Variants in PARP9 observed in about 807,000 individuals in gnomAD.
PARP9 encodes the protein protein mono-ADP-ribosyltransferase PARP9.
A neutral mutation model predicts 68.8 loss-of-function variants in PARP9; 48 were observed. The ratio of observed to expected loss-of-function variants is 0.70; its 90% confidence interval spans 0.55 to 0.89. The LOEUF (loss-of-function observed/expected upper bound fraction) is 0.89. Ranked by LOEUF, PARP9 falls within the 40% of genes least tolerant of loss-of-function variation. PARP9 has a pLI of 0.00. For missense variants in PARP9, 806 were observed against 969.3 expected (o/e 0.83, Z 2.24); for synonymous variants, 309 against 333.8 (o/e 0.93, Z 0.81).
chr3:122,535,675 T>A, intron 10 of PARP9: 1 of 987,912 alleles, frequency 1.0e-6, no homozygotes, highest in Non-Finnish European at 1.2e-6. Flanking sequence ...TAAGATGTTA[T>A]GCACTTCACC....
intron 6 of PARP9, among the ~76,000 whole-genome samples, chr3:122,546,968 C>CTA (rs57337681): frequency 0.024 from 1,645 of 69,638 alleles, 19 homozygotes; most frequent in Admixed American, 0.032. Flanking sequence ...ATACATGGCA[C>CTA]TATATATATA....
intron 6 of PARP9, among the ~76,000 whole-genome samples, chr3:122,547,005 TATATATATAC>T (rs1446569933): frequency 1.8e-3 from 199 of 109,266 alleles, no homozygotes; most frequent in East Asian, 2.9e-3. Flanking sequence ...TATATATATA[TATATATATAC>T]ACACACACAC....
chr3:122,564,394 C>A, upstream of PARP9: 2 of 1,584,546 alleles, frequency 1.3e-6, no homozygotes, highest in East Asian at 2.3e-5. Flanking sequence ...AGCTGCCTCC[C>A]GGAGCCCCCG....
At position 122,556,003 on chromosome 3, in the gene PARP9, A is replaced by G. The variant is rs2079603361; in HGVS notation, c.168T>C (p.Cys56=). 2.5e-6 allele frequency: 4 copies of G among 1,614,110 alleles called. No homozygotes were observed. Among genetic ancestry groups the G allele is most frequent in the Non-Finnish European group, 3.4e-6 (4 of 1,180,006 alleles). The part of the protein sequence containing the change: ...LCEVLQNKFG[C]ISTLVSPVQE... ...GAACTGGAGAGACCAGGGTAGAGAT[A>G]CAGCCAAACTTATTCTGGAGGACTT... The change falls in exon 4 of 11, where the codon TGT becomes TGC. Residue 56 remains cysteine (C), a synonymous_variant. Transcript: ENST00000682323.
rs1188530613 is a variant in PARP9 at position 122,540,549 on chromosome 3, A to G, written c.1688T>C (p.Met563Thr). The G allele has an allele frequency of 4.3e-6, 7 of 1,614,076 alleles. No homozygotes were observed. In the African/African-American group the frequency reaches 8.0e-5, roughly 18 times the overall value. ...TTTACAAAGCATATCTTCAATGTTCATAACCACCTCAATGAGGTCAGCCCG... is the reference window on the plus strand; with the variant it reads ...TTTACAAAGCATATCTTCAATGTTCGTAACCACCTCAATGAGGTCAGCCCG... ...GARADLIEVV[M>T]NIEDMLCKVQ... The change falls in exon 8 of 11, where the codon ATG (methionine) becomes ACG (threonine). Residue 563 changes from methionine (M) to threonine (T), a missense_variant. By Grantham distance (81) the Met-to-Thr change is moderately conservative. Coordinates refer to ENST00000682323, the MANE Select transcript of PARP9 (RefSeq NM_001146105.2).
chr3:122,536,053 A>G, intron 10 of PARP9, 115 bp downstream of exon 10: 1 of 1,581,530 alleles, frequency 6.3e-7, no homozygotes, highest in South Asian at 1.1e-5. Context: ...CCTCTAAATC[A>G]CAGTCACAAA....
chr3:122,540,351 A>G, intron 8 of PARP9, 121 bp downstream of exon 8: 1 of 1,264,984 alleles, frequency 7.9e-7, no homozygotes, highest in Non-Finnish European at 1.1e-6. Flanking sequence ...ACAAAGAACC[A>G]GAATGTTTGA....
At chr3:122,558,214 T>A in intron 3 of PARP9, 1 of 1,313,584 alleles carries the variant, frequency 7.6e-7, no homozygotes, top group Non-Finnish European at 1.0e-6. Context: ...GAGTCTCACA[T>A]TTACGGGCAA....
intron 8 of PARP9, among the ~76,000 whole-genome samples, chr3:122,538,658 CCACACACACACACACACA>C (rs10577699): frequency 6.9e-6 from 1 of 144,942 alleles, no homozygotes; most frequent in African/African-American, 2.6e-5. Flanking sequence ...TAAAGCAATG[CCACACACACACACACACA>C]CACACACACA....
chr3:122,555,924 T>TC lies in PARP9; in HGVS notation c.246dup (p.Ile83AspfsTer9), dbSNP rs1559870865. Reference sequence around the variant, plus strand: ...TCATCTTTCCAGACTGATAACTCTATCCTAGGAGTCAGCATTTTTCTGAAC... The same window carrying TC: ...TCATCTTTCCAGACTGATAACTCTATCCCTAGGAGTCAGCATTTTTCTGAAC... On this transcript the variant is annotated frameshift_variant, in exon 4 of 11. Transcript: ENST00000682323. LOFTEE classifies it high-confidence loss of function. 6.2e-7 allele frequency: 1 copy of TC among 1,613,956 alleles called. No homozygotes were observed. The highest frequency in any genetic ancestry group is 1.1e-5 in the South Asian group (1 of 91,080).
intron 4 of PARP9, 103 bp downstream of exon 4, chr3:122,555,183 A>G (rs903291069): frequency 4.2e-6 from 5 of 1,187,100 alleles, no homozygotes; most frequent in Non-Finnish European, 5.9e-6. Flanking sequence ...TCTTAATCCA[A>G]ACAAGATGGT....
intron 3 of PARP9, among the ~76,000 whole-genome samples, chr3:122,558,139 T>A (rs368149800): frequency 6.6e-6 from 1 of 152,364 alleles, no homozygotes; most frequent in East Asian, 1.9e-4. Context: ...ATAGTACTCG[T>A]TGAGCAAGGA....
chr3:122,550,557 T>C (rs2079118735), intron 6 of PARP9, 27 bp downstream of exon 6: 2 of 1,524,380 alleles, frequency 1.3e-6, no homozygotes, highest in Non-Finnish European at 1.8e-6. Flanking sequence ...GAATGAACAG[T>C]AGGACATTTC....
Position 122,550,554 on chromosome 3 carries a change from C to T in PARP9, c.1326+30G>A. Reference sequence around the variant, plus strand: ...CTGAATGAATGAATGAATGAATGAACAGTAGGACATTTCTAAGATATTAAC... The same window carrying T: ...CTGAATGAATGAATGAATGAATGAATAGTAGGACATTTCTAAGATATTAAC... On this transcript the variant is annotated intron_variant, in intron 6 of 10. Transcript: ENST00000682323. 3 of 1,511,920 alleles carry T rather than the reference C, an allele frequency of 2.0e-6. No homozygotes were observed. In the South Asian group the frequency reaches 3.4e-5, roughly 17 times the overall value. The allele number at this position is 1,511,920 out of a possible 1,614,324, so 93.7% of individuals were successfully genotyped here.
chr3:122,530,317 A>G (rs1461275142), intron 10 of PARP9, among the ~76,000 whole-genome samples: 1 of 152,176 alleles, frequency 6.6e-6, no homozygotes, highest in Non-Finnish European at 1.5e-5. Flanking sequence ...TCTAGTCACC[A>G]GGAGGGTATT....
Position 122,528,602 on chromosome 3 carries a change from G to C in PARP9, c.2222C>G (p.Pro741Arg). The C allele has an allele frequency of 6.2e-7, 1 of 1,614,132 alleles. No homozygotes were observed. Among genetic ancestry groups the C allele is most frequent in the Non-Finnish European group, 8.5e-7 (1 of 1,180,038 alleles). ...VLTGFFCQGH[P>R]LNIVPPPLSP... ...CAGTGGTGGGGGAACAATATTTAAC[G>C]GATGTCCCTGGCAGAAGAAGCCTGT... The change falls in exon 11 of 11, where the codon CCG (proline) becomes CGG (arginine). Residue 741 changes from proline to arginine, a missense_variant. This residue lies in a region of PARP9 where 680 missense variants were observed against 858.8 expected (regional missense o/e 0.79). Transcript: ENST00000682323.
intron 6 of PARP9, among the ~76,000 whole-genome samples, chr3:122,547,105 T>A (rs1186098602): frequency 1.5e-5 from 2 of 135,970 alleles, no homozygotes; most frequent in Non-Finnish European, 3.1e-5. Context: ...TACACGTATT[T>A]TTTTTTCTTT....
At chr3:122,543,907 CT>C (rs1438451425) in intron 7 of PARP9, among the ~76,000 whole-genome samples, 2 of 152,248 alleles carry the variant, frequency 1.3e-5, no homozygotes, top group African/African-American at 4.8e-5. Context: ...CGCCATGTCC[CT>C]TGATTAATCA....
intron 1 of PARP9, among the ~76,000 whole-genome samples, chr3:122,559,949 G>T (rs1317347721): frequency 6.6e-6 from 1 of 152,202 alleles, no homozygotes; most frequent in East Asian, 1.9e-4. Context: ...CTACGACCTG[G>T]AACAGGAAAA....
Sources: gnomAD v4.1 joint callset for allele counts (sites outside exome capture counted in the v4.1 genomes callset) on GRCh38, gnomAD v4.1.1 for gene constraint, gnomAD v4.1.1 regional missense constraint, MANE v1.5 for transcripts, NCBI Gene and HGNC (gene_info 2026-07-23, HGNC 2026-07-21) for gene names.